The following ETS1 variants were observed in gnomAD, a reference collection of about 807,000 sequenced individuals.
ETS1 encodes ETS proto-oncogene 1, transcription factor, also known as protein C-ets-1.
ETS1 carries 15 observed loss-of-function variants against 58.6 expected under a neutral mutation model. That is an observed-to-expected ratio of 0.26 (90% CI 0.17 to 0.39). The LOEUF is 0.39. ETS1 is among the 10% of genes least tolerant of loss of function. The probability of loss-of-function intolerance (pLI) is 1.00; values close to 1 mark genes in which losing one functional copy is unlikely to be tolerated. For missense variants in ETS1, 417 were observed against 610.5 expected, an observed-to-expected ratio of 0.68 and a Z score of 3.34; for synonymous variants, 214 against 218.2, an observed-to-expected ratio of 0.98 and a Z score of 0.17.
In ETS1 at chr11:128,459,707, A is replaced by G. The variant is rs1427321672; in HGVS notation, c.*2654T>C. 6.5e-6 allele frequency: 1 copy of G among 152,810 alleles called. No individual in the cohort carries two copies. The highest frequency in any genetic ancestry group is 1.5e-5 in the Non-Finnish European group (1 of 68,046). The allele number at this position is 152,810 out of a possible 1,614,324, so 9.5% of individuals were successfully genotyped here. ...GGTCTCTGGCCTTTGGACAAAGGAG[A>G]AAAAACATCTGGCCAGATCGACAAA... On this transcript the variant is annotated 3_prime_UTR_variant, in exon 10 of 10. Coordinates refer to ENST00000392668, the MANE Select transcript of ETS1 (RefSeq NM_001143820.2).
At chr11:128,471,502 T>C (rs1862186975) in intron 8 of ETS1, among the ~76,000 whole-genome samples, 1 of 152,208 alleles carries the variant, frequency 6.6e-6, no homozygotes, top group Admixed American at 6.5e-5. Context: ...TCTAAACCCA[T>C]CAGTAACTCT....
intron 3 of ETS1, among the ~76,000 whole-genome samples, chr11:128,537,878 C>G (rs1417468638): frequency 6.6e-6 from 1 of 152,000 alleles, no homozygotes; most frequent in Non-Finnish European, 1.5e-5. Flanking sequence ...AAATAAGCAC[C>G]TACAAGAAGG....
chr11:128,554,719 G>A (rs973317633), intron 3 of ETS1, among the ~76,000 whole-genome samples: 1 of 151,940 alleles, frequency 6.6e-6, no homozygotes, highest in East Asian at 1.9e-4. Flanking sequence ...AGACCATCGA[G>A]AGCTGCAAGT....
At chr11:128,565,813 C>T (rs1458184738) in intron 2 of ETS1, among the ~76,000 whole-genome samples, 1 of 152,188 alleles carries the variant, frequency 6.6e-6, no homozygotes, top group Non-Finnish European at 1.5e-5. Flanking sequence ...TTGTCCATTG[C>T]TCTCCAGGAT....
intron 3 of ETS1, among the ~76,000 whole-genome samples, chr11:128,508,047 C>G (rs1202838541): frequency 6.6e-6 from 1 of 152,170 alleles, no homozygotes; most frequent in East Asian, 1.9e-4. Context: ...AACTCAAGCC[C>G]TAACTCACGT....
In ETS1 at chr11:128,548,295, C is replaced by T. The variant is rs554409767; in HGVS notation, c.214+7996G>A. 3.5e-4 allele frequency among the ~76,000 whole-genome samples: 53 copies of T among 151,712 alleles called. 1 individual carries two copies. In the South Asian group the frequency reaches 0.011, roughly 32 times the overall value. On this transcript the variant is annotated intron_variant, in intron 3 of 9. Transcript: ENST00000392668. ...TCAGAGTTAAGAGCCTTCTCCACGCCATGCCTGGTGCTTTGCCATTTCCAC... is the reference window on the plus strand; with the variant it reads ...TCAGAGTTAAGAGCCTTCTCCACGCTATGCCTGGTGCTTTGCCATTTCCAC...
chr11:128,495,410 C>G (rs544327548), intron 3 of ETS1, among the ~76,000 whole-genome samples: 3 of 152,294 alleles, frequency 2.0e-5, no homozygotes, highest in African/African-American at 7.2e-5. Flanking sequence ...ATACAGCTAG[C>G]CCCGTAAGAA....
intron 4 of ETS1, among the ~76,000 whole-genome samples, chr11:128,490,190 G>A (rs1179765963): frequency 1.3e-5 from 2 of 152,226 alleles, no homozygotes; most frequent in Non-Finnish European, 2.9e-5. Context: ...CAACATCAGA[G>A]CTGTTCCAAG....
chr11:128,552,505 T>G (rs1460750913), intron 3 of ETS1, among the ~76,000 whole-genome samples: 1 of 152,220 alleles, frequency 6.6e-6, no homozygotes, highest in Non-Finnish European at 1.5e-5. Context: ...TCTAAGCAAG[T>G]ATTTTGCAAA....
chr11:128,549,419 G>A lies in ETS1; in HGVS notation c.214+6872C>T, dbSNP rs1030457949. On this transcript the variant is annotated intron_variant, in intron 3 of 9. Coordinates refer to ENST00000392668, the MANE Select transcript of ETS1 (RefSeq NM_001143820.2). The surrounding 1 kb of genome is among the most constrained non-coding windows in gnomAD (Gnocchi z 4.3). ...CCACCGTCCCACCCCCGTGCGAGGA[G>A]TTCCAGGAGAGGGGTCAAACTGCTT... Among the ~76,000 whole-genome samples, 15 of 152,344 alleles carry A rather than the reference G, an allele frequency of 9.8e-5. No homozygotes were observed. The East Asian group carries it at 2.9e-3, about 29-fold the overall frequency.
At chr11:128,559,268 C>T (rs1032232156) in intron 2 of ETS1, among the ~76,000 whole-genome samples, 2 of 152,124 alleles carry the variant, frequency 1.3e-5, no homozygotes, top group Non-Finnish European at 2.9e-5. Flanking sequence ...AGAAAAGTGA[C>T]CTGGGAACAA....
intron 2 of ETS1, among the ~76,000 whole-genome samples, chr11:128,557,932 G>A (rs1864338262): frequency 1.3e-5 from 2 of 152,130 alleles, no homozygotes; most frequent in Admixed American, 6.5e-5. Context: ...CCCACTATCT[G>A]CTCCCTTTCC....
chr11:128,522,412 C>T (rs1388365979), intron 3 of ETS1: 9 of 938,126 alleles, frequency 9.6e-6, no homozygotes, highest in Non-Finnish European at 3.8e-6. Context: ...GCGCCCTGGG[C>T]CGGGCGATGT....
chr11:128,558,299 G>A (rs1157657886), intron 2 of ETS1, among the ~76,000 whole-genome samples: 1 of 152,152 alleles, frequency 6.6e-6, no homozygotes, highest in African/African-American at 2.4e-5. Flanking sequence ...TGTGTGTGGG[G>A]CCAAGAGACA....
At chr11:128,561,753 A>G (rs552133645) in intron 2 of ETS1, among the ~76,000 whole-genome samples, 2 of 152,332 alleles carry the variant, frequency 1.3e-5, no homozygotes, top group East Asian at 3.9e-4. Context: ...ATAAATAAGG[A>G]GAGTGGAAGA....
chr11:128,560,148 T>C (rs1447011569), intron 2 of ETS1, among the ~76,000 whole-genome samples: 1 of 152,172 alleles, frequency 6.6e-6, no homozygotes, highest in Non-Finnish European at 1.5e-5. Flanking sequence ...AGTCTCACTT[T>C]GTTGCCCAGG....
chr11:128,571,744 A>G (rs919264109), intron 2 of ETS1: 11 of 151,930 alleles, frequency 7.2e-5, no homozygotes, highest in African/African-American at 2.7e-4. Flanking sequence ...TAATAATAAT[A>G]TAATAAACTT....
At chr11:128,533,621 A>G (rs1430041995) in intron 3 of ETS1, among the ~76,000 whole-genome samples, 1 of 152,152 alleles carries the variant, frequency 6.6e-6, no homozygotes. Context: ...CCTTCTGGAA[A>G]GCCCTGTTCT....
intron 2 of ETS1, among the ~76,000 whole-genome samples, chr11:128,560,146 T>G (rs1483637927): frequency 3.3e-5 from 5 of 152,076 alleles, no homozygotes; most frequent in Non-Finnish European, 7.4e-5. Context: ...AGAGTCTCAC[T>G]TTGTTGCCCA....
Sources: gnomAD v4.1 joint callset for allele counts (sites outside exome capture counted in the v4.1 genomes callset) on GRCh38, gnomAD v4.1.1 for gene constraint, Gnocchi (gnomAD v3.1) non-coding constraint, MANE v1.5 for transcripts, NCBI Gene and HGNC (gene_info 2026-07-23, HGNC 2026-07-21) for gene names.